SPATA17: variants seen among roughly 807,000 people sequenced by gnomAD.
SPATA17 encodes the protein spermatogenesis associated 17.
In SPATA17, 53 loss-of-function variants were observed where a neutral mutation model predicts 62.2. The observed-to-expected ratio is 0.85, with a 90% confidence interval of 0.68 to 1.07. The LOEUF (loss-of-function observed/expected upper bound fraction) is 1.07, where lower values mean the gene tolerates loss of function less well. Among genes scored for constraint, SPATA17 ranks in the 50% least tolerant of loss-of-function variants. SPATA17 has a pLI of 0.00. For synonymous variants in SPATA17, 146 were observed against 146.8 expected, an observed-to-expected ratio of 0.99 and a Z score of 0.04; for missense variants, 466 against 425.5, an observed-to-expected ratio of 1.10 and a Z score of -0.84.
At chr1:217,769,423 T>C (rs1673384144) in intron 6 of SPATA17, among the ~76,000 whole-genome samples, 1 of 152,214 alleles carries the variant, frequency 6.6e-6, no homozygotes, top group Admixed American at 6.5e-5. Flanking sequence ...TGAAATACCC[T>C]CTTATCTGCA....
At chr1:217,659,197 C>T (rs984738011) in intron 3 of SPATA17, among the ~76,000 whole-genome samples, 1 of 151,468 alleles carries the variant, frequency 6.6e-6, no homozygotes, top group African/African-American at 2.4e-5. Context: ...AACACACACA[C>T]ACACACACAC....
intron 5 of SPATA17, among the ~76,000 whole-genome samples, chr1:217,720,769 G>A (rs991723475): frequency 6.6e-6 from 1 of 152,158 alleles, no homozygotes; most frequent in African/African-American, 2.4e-5. Context: ...ACTGGGAGAA[G>A]TCAGCACCTC....
chr1:217,757,957 A>T (rs962771164), intron 6 of SPATA17, among the ~76,000 whole-genome samples: 5 of 152,146 alleles, frequency 3.3e-5, no homozygotes, highest in African/African-American at 1.2e-4. Flanking sequence ...CTTCCAGAGT[A>T]ATCCTTACAA....
chr1:217,654,566 T>C (rs1283458704), intron 3 of SPATA17, among the ~76,000 whole-genome samples: 1 of 152,184 alleles, frequency 6.6e-6, no homozygotes. Flanking sequence ...TCCACTCACA[T>C]TTTTTAATCA....
At chr1:217,746,101 G>T (rs1169908437) in intron 6 of SPATA17, among the ~76,000 whole-genome samples, 1 of 151,948 alleles carries the variant, frequency 6.6e-6, no homozygotes, top group Non-Finnish European at 1.5e-5. Context: ...CTTGCTTTAA[G>T]ATTTTGATTT....
chr1:217,804,571 G>A (rs1340377151), intron 9 of SPATA17, among the ~76,000 whole-genome samples: 1 of 152,070 alleles, frequency 6.6e-6, no homozygotes, highest in East Asian at 1.9e-4. Context: ...GCTTTGCACA[G>A]CAAAGGAAAT....
At chr1:217,739,392 A>T (rs893963342) in intron 5 of SPATA17, 1 of 152,218 alleles carries the variant, frequency 6.6e-6, no homozygotes, top group Admixed American at 6.5e-5. Flanking sequence ...TGTTAATCAC[A>T]GTAGGTCATT....
chr1:217,703,335 C>T (rs542950624), intron 5 of SPATA17, among the ~76,000 whole-genome samples: 3 of 151,924 alleles, frequency 2.0e-5, no homozygotes, highest in African/African-American at 7.3e-5. Context: ...CCATGCCCGG[C>T]TAGCTTTTGT....
intron 6 of SPATA17, among the ~76,000 whole-genome samples, chr1:217,769,999 T>C (rs1673398019): frequency 6.6e-6 from 1 of 152,226 alleles, no homozygotes; most frequent in African/African-American, 2.4e-5. Context: ...GGCAGTAGTA[T>C]GTCCTGATAA....
At chr1:217,663,251 C>T (rs934908293) in intron 3 of SPATA17, among the ~76,000 whole-genome samples, 3 of 152,090 alleles carry the variant, frequency 2.0e-5, no homozygotes, top group Admixed American at 2.0e-4. Flanking sequence ...TCGAGACCAA[C>T]CTGGCCAACT....
intron 6 of SPATA17, among the ~76,000 whole-genome samples, chr1:217,765,155 T>C (rs921908312): frequency 4.0e-5 from 6 of 151,346 alleles, no homozygotes; most frequent in African/African-American, 1.5e-4. Flanking sequence ...TTGCATCTTC[T>C]TTCCTTTTTT....
intron 5 of SPATA17, among the ~76,000 whole-genome samples, chr1:217,693,099 C>T (rs1200290270): frequency 5.6e-5 from 8 of 141,842 alleles, no homozygotes; most frequent in African/African-American, 1.0e-4. Flanking sequence ...TGGTAGAATT[C>T]GGCTGTGAAT....
rs6671401 is a variant in SPATA17, at chr1:217,864,515, G to A, written c.*2+1659G>A. Among the ~76,000 whole-genome samples, 671 of 152,090 alleles carry A rather than the reference G, an allele frequency of 4.4e-3. 6 individuals are homozygous for A. The highest frequency in any genetic ancestry group is 0.015 in the African/African-American group (641 of 41,494). On this transcript the variant is annotated intron_variant, in intron 10 of 10. Coordinates refer to ENST00000366933, the MANE Select transcript of SPATA17 (RefSeq NM_138796.4). ...TATGTGTGTATACATATATACATAT[G>A]TGTGTATACATATATACATGTGTGT...
chr1:217,844,173 T>A (rs1172184806), intron 9 of SPATA17, among the ~76,000 whole-genome samples: 1 of 152,146 alleles, frequency 6.6e-6, no homozygotes, highest in Non-Finnish European at 1.5e-5. Flanking sequence ...TACATAGTGA[T>A]GCAGAGAGTC....
At chr1:217,725,668 G>A (rs959231521) in intron 5 of SPATA17, among the ~76,000 whole-genome samples, 1 of 152,104 alleles carries the variant, frequency 6.6e-6, no homozygotes, top group African/African-American at 2.4e-5. Context: ...TTGCCATGTT[G>A]GCCAGGCTGG....
intron 6 of SPATA17, among the ~76,000 whole-genome samples, chr1:217,746,652 A>C (rs971412442): frequency 1.3e-5 from 2 of 151,828 alleles, no homozygotes; most frequent in African/African-American, 4.8e-5. Context: ...GTTTAAGCCT[A>C]TTTTTAGTAC....
At chr1:217,818,003 A>C (rs573681975) in intron 9 of SPATA17, among the ~76,000 whole-genome samples, 1 of 152,170 alleles carries the variant, frequency 6.6e-6, no homozygotes, top group Non-Finnish European at 1.5e-5. Flanking sequence ...ATTAAATTGA[A>C]TTTATCATGC....
intron 9 of SPATA17, among the ~76,000 whole-genome samples, chr1:217,830,645 A>G (rs936344775): frequency 6.6e-6 from 1 of 152,104 alleles, no homozygotes; most frequent in African/African-American, 2.4e-5. Flanking sequence ...ACACATTCAT[A>G]TTTATTCTTA....
At chr1:217,856,472 T>A (rs1186178641) in intron 9 of SPATA17, among the ~76,000 whole-genome samples, 1 of 152,088 alleles carries the variant, frequency 6.6e-6, no homozygotes, top group Non-Finnish European at 1.5e-5. Flanking sequence ...TGAGCAGAAG[T>A]AATAAGAAAG....
Sources: allele counts gnomAD v4.1 joint callset (sites outside exome capture counted in the v4.1 genomes callset), GRCh38; gene constraint gnomAD v4.1.1; transcripts MANE v1.5; gene names NCBI Gene and HGNC (gene_info 2026-07-23, HGNC 2026-07-21).